DNAH9: variants seen among roughly 807,000 people sequenced by gnomAD.
The protein encoded by DNAH9 is DNAH9 variant protein.
DNAH9 carries 345 observed loss-of-function variants against 471.6 expected under a neutral mutation model. That is an observed-to-expected ratio of 0.73 (90% CI 0.67 to 0.80). The LOEUF (loss-of-function observed/expected upper bound fraction) is 0.80, where lower values mean the gene tolerates loss of function less well. Ranked by LOEUF, DNAH9 falls within the 30% of genes least tolerant of loss-of-function variation. DNAH9 has a pLI of 0.00. For missense variants in DNAH9, 5,407 were observed against 5,609.2 expected (o/e 0.96, Z 1.15); for synonymous variants, 2,093 against 2,123.6 (o/e 0.99, Z 0.40).
chr17:11,957,724 G>C (rs1482962145), intron 67 of DNAH9, among the ~76,000 whole-genome samples: 1 of 152,102 alleles, frequency 6.6e-6, no homozygotes, highest in Non-Finnish European at 1.5e-5. Flanking sequence ...TGCTACTTCA[G>C]CCATACACCA....
intron 41 of DNAH9, among the ~76,000 whole-genome samples, chr17:11,791,805 G>A (rs1196171850): frequency 1.3e-5 from 2 of 152,204 alleles, no homozygotes; most frequent in African/African-American, 4.8e-5. Flanking sequence ...GGGAGGGAAT[G>A]CCGCTGGACA....
chr17:11,793,452 T>G, intron 41 of DNAH9, 51 bp from the exon 42 acceptor site: 2 of 1,553,770 alleles, frequency 1.3e-6, no homozygotes, highest in East Asian at 2.3e-5. Flanking sequence ...CTAGCTATTG[T>G]ACCTCTGGAT....
At chr17:11,716,993 G>C (rs180951044) in intron 26 of DNAH9, among the ~76,000 whole-genome samples, 5 of 152,350 alleles carry the variant, frequency 3.3e-5, no homozygotes, top group Non-Finnish European at 7.3e-5. Flanking sequence ...GCAGGTTCAG[G>C]TGAGGCCACG....
In DNAH9 at chr17:11,652,854, ACAT is replaced by A. The variant is rs1309086669; in HGVS notation, c.2451_2453del (p.Ile817del). The A allele has an allele frequency of 1.9e-6, 3 of 1,614,106 alleles. No individual in the cohort carries two copies. Among genetic ancestry groups the A allele is most frequent in the East Asian group, 2.2e-5 (1 of 44,876 alleles). On this transcript the variant is annotated inframe_deletion, in exon 14 of 69. Coordinates refer to ENST00000262442, the MANE Select transcript of DNAH9 (RefSeq NM_001372.4). ...AAAGACAATGTGGAAGAGATCCAAA[ACAT>A]CATGAAAACATGGGTGACTCCAATA...
Position 11,762,770 on chromosome 17 carries a change from G to GTTTGTTTTT in DNAH9, c.6996-667_6996-666insGTTTTTTTT, listed in dbSNP as rs1193246497. 2.7e-3 allele frequency among the ~76,000 whole-genome samples: 243 copies of GTTTGTTTTT among 90,752 alleles called. 18 individuals carry two copies. The highest frequency in any genetic ancestry group is 4.0e-3 in the Non-Finnish European group (182 of 45,756). The allele number at this position is 90,752 out of a possible 152,430, so 59.5% of individuals were successfully genotyped here. On this transcript the variant is annotated intron_variant, in intron 35 of 68. Coordinates refer to ENST00000262442, the MANE Select transcript of DNAH9 (RefSeq NM_001372.4). ...CCTCTTTAGGTGCGTTTTTTTTTTT[G>GTTTGTTTTT]TTTTTTTTTTTTTTTTTTTTTTTTT... is the stretch of plus-strand genomic sequence containing the variant.
chr17:11,643,460 T>A (rs1406074499), intron 10 of DNAH9, among the ~76,000 whole-genome samples: 3 of 152,234 alleles, frequency 2.0e-5, no homozygotes, highest in African/African-American at 4.8e-5. Flanking sequence ...TTAATATATC[T>A]GTACCTATAT....
At chr17:11,796,452 G>A (rs1472895724) in intron 42 of DNAH9, among the ~76,000 whole-genome samples, 2 of 152,122 alleles carry the variant, frequency 1.3e-5, no homozygotes, top group African/African-American at 4.8e-5. Context: ...ACTCTTTCCA[G>A]TCCTTTCTTC....
intron 68 of DNAH9, among the ~76,000 whole-genome samples, chr17:11,963,724 A>G (rs1976449213): frequency 6.6e-6 from 1 of 152,228 alleles, no homozygotes. Context: ...CATGTTTTAT[A>G]ATGCTTACCA....
intron 45 of DNAH9, among the ~76,000 whole-genome samples, chr17:11,810,881 T>G (rs1306186296): frequency 2.0e-5 from 3 of 152,214 alleles, no homozygotes; most frequent in Non-Finnish European, 4.4e-5. Context: ...CACATAGTTT[T>G]CCTTGGTCCC....
intron 10 of DNAH9, among the ~76,000 whole-genome samples, chr17:11,641,636 G>A (rs1356825529): frequency 3.9e-5 from 6 of 152,094 alleles, no homozygotes; most frequent in East Asian, 1.9e-4. Context: ...GAAGTTTGGC[G>A]GGGAGTAGAT....
At chr17:11,699,634 T>C in intron 22 of DNAH9, 97 bp from the exon 23 acceptor site, 2 of 1,112,386 alleles carry the variant, frequency 1.8e-6, no homozygotes, top group South Asian at 2.8e-5. Flanking sequence ...CCACTCTGTC[T>C]TTCACAATGA....
intron 2 of DNAH9, among the ~76,000 whole-genome samples, chr17:11,610,078 C>A (rs2072601561): frequency 6.6e-6 from 1 of 152,206 alleles, no homozygotes; most frequent in South Asian, 2.1e-4. Context: ...CCACGGTATT[C>A]CTGCATTGGC....
At chr17:11,852,638 A>G (rs147355719) in intron 49 of DNAH9, among the ~76,000 whole-genome samples, 39 of 151,674 alleles carry the variant, frequency 2.6e-4, no homozygotes, top group Non-Finnish European at 5.2e-4. Context: ...ACATTCAAAT[A>G]TTTTTACTTA....
intron 67 of DNAH9, among the ~76,000 whole-genome samples, chr17:11,954,850 A>G (rs993311325): frequency 6.6e-6 from 1 of 152,204 alleles, no homozygotes. Flanking sequence ...GATCTAAACA[A>G]AGAAATAATG....
intron 50 of DNAH9, among the ~76,000 whole-genome samples, chr17:11,858,241 AGAGAAAGGCTTCTGAT>A (rs1407941442): frequency 6.6e-6 from 1 of 152,236 alleles, no homozygotes; most frequent in African/African-American, 2.4e-5. Flanking sequence ...ATCAAATAGT[AGAGAAAGGCTTCTGAT>A]GAGAAACAAG....
At chr17:11,940,299 G>GC (rs1211903898) in intron 66 of DNAH9, among the ~76,000 whole-genome samples, 2 of 152,060 alleles carry the variant, frequency 1.3e-5, no homozygotes, top group African/African-American at 4.8e-5. Context: ...CCCTCCTCAG[G>GC]CCCCCACACC....
At chr17:11,698,745 C>T (rs2074537686) in intron 22 of DNAH9, among the ~76,000 whole-genome samples, 1 of 152,098 alleles carries the variant, frequency 6.6e-6, no homozygotes, top group South Asian at 2.1e-4. Flanking sequence ...CTTCAGTCTG[C>T]CATTTTCTTC....
At chr17:11,793,878 A>T (rs966644007) in intron 42 of DNAH9, among the ~76,000 whole-genome samples, 1 of 152,090 alleles carries the variant, frequency 6.6e-6, no homozygotes, top group African/African-American at 2.4e-5. Flanking sequence ...AGAAGTCCAT[A>T]GAGATCATCT....
intron 58 of DNAH9, among the ~76,000 whole-genome samples, chr17:11,893,270 C>T (rs997809784): frequency 6.6e-6 from 1 of 151,922 alleles, no homozygotes; most frequent in Non-Finnish European, 1.5e-5. Flanking sequence ...GTACACAGCT[C>T]ACTAATTCCC....
Sources: gnomAD v4.1 joint callset for allele counts (sites outside exome capture counted in the v4.1 genomes callset) on GRCh38, gnomAD v4.1.1 for gene constraint, MANE v1.5 for transcripts, NCBI Gene and HGNC (gene_info 2026-07-23, HGNC 2026-07-21) for gene names.